DMRT1: variants seen among roughly 807,000 people sequenced by gnomAD.
The protein encoded by DMRT1 is doublesex and mab-3 related transcription factor 1, also known as doublesex- and mab-3-related transcription factor 1.
In DMRT1, 7 loss-of-function variants were observed where a neutral mutation model predicts 32.3. The observed-to-expected ratio is 0.22, with a 90% CI of 0.12 to 0.41. The LOEUF (loss-of-function observed/expected upper bound fraction) is 0.41. Ranked by LOEUF, DMRT1 falls within the 10% of genes least tolerant of loss-of-function variation. The pLI is 1.00. For missense variants in DMRT1, 625 were observed against 500.5 expected (o/e 1.25, Z -2.37); for synonymous variants, 278 against 206.1 (o/e 1.35, Z -2.99).
chr9:899,395 A>T (rs1817488714), intron 3 of DMRT1, among the ~76,000 whole-genome samples: 1 of 152,202 alleles, frequency 6.6e-6, no homozygotes, highest in Non-Finnish European at 1.5e-5. Context: ...ACGAATAATT[A>T]CTGAGCACCT....
chr9:860,320 G>A (rs1043029048), intron 2 of DMRT1, among the ~76,000 whole-genome samples: 2 of 152,056 alleles, frequency 1.3e-5, no homozygotes, highest in Non-Finnish European at 2.9e-5. Context: ...TACATAAAAA[G>A]TAAAATAAAA....
At chr9:863,380 G>C (rs1815815553) in intron 2 of DMRT1, among the ~76,000 whole-genome samples, 1 of 151,406 alleles carries the variant, frequency 6.6e-6, no homozygotes, top group Admixed American at 6.6e-5. Flanking sequence ...GCTGCAACTA[G>C]AGATGCCATG....
intron 2 of DMRT1, among the ~76,000 whole-genome samples, chr9:881,189 G>A (rs1816722686): frequency 1.3e-5 from 2 of 152,166 alleles, no homozygotes; most frequent in African/African-American, 4.8e-5. Context: ...TTCTTGGTAG[G>A]GAGGGGGCTC....
intron 4 of DMRT1, among the ~76,000 whole-genome samples, chr9:925,176 G>T (rs1438969223): frequency 6.6e-6 from 1 of 152,048 alleles, no homozygotes; most frequent in African/African-American, 2.4e-5. Flanking sequence ...CAGGTGCCTG[G>T]CATCGTGCAG....
At chr9:909,565 G>C (rs1817898790) in intron 3 of DMRT1, among the ~76,000 whole-genome samples, 2 of 152,054 alleles carry the variant, frequency 1.3e-5, no homozygotes, top group African/African-American at 2.4e-5. Context: ...TTCACACCCA[G>C]CACCACCAGA....
chr9:939,777 T>C (rs1417863914), intron 4 of DMRT1, among the ~76,000 whole-genome samples: 2 of 152,200 alleles, frequency 1.3e-5, no homozygotes, highest in Non-Finnish European at 2.9e-5. Context: ...TATAGTTTCT[T>C]TCATATAGAT....
At chr9:889,869 C>G (rs985840748) in intron 2 of DMRT1, among the ~76,000 whole-genome samples, 1 of 152,116 alleles carries the variant, frequency 6.6e-6, no homozygotes, top group Non-Finnish European at 1.5e-5. Flanking sequence ...TCTAAAATGC[C>G]TTCCTAAATG....
intron 2 of DMRT1, among the ~76,000 whole-genome samples, chr9:854,027 C>A (rs991929426): frequency 1.3e-5 from 2 of 151,394 alleles, no homozygotes; most frequent in East Asian, 3.9e-4. Flanking sequence ...GTCTTGAACT[C>A]CTGGCTTCCA....
At chr9:849,533 A>G (rs1839048982) in intron 2 of DMRT1, among the ~76,000 whole-genome samples, 1 of 152,206 alleles carries the variant, frequency 6.6e-6, no homozygotes, top group Non-Finnish European at 1.5e-5. Flanking sequence ...TAGGCTATGC[A>G]GAGTTCAGAA....
chr9:851,406 T>G (rs1055447407), intron 2 of DMRT1, among the ~76,000 whole-genome samples: 1 of 148,742 alleles, frequency 6.7e-6, no homozygotes, highest in African/African-American at 2.4e-5. Context: ...GCCCAGCTAA[T>G]TTTTGTACTT....
chr9:917,793 C>G (rs746982851), intron 4 of DMRT1, among the ~76,000 whole-genome samples: 2 of 152,136 alleles, frequency 1.3e-5, no homozygotes, highest in African/African-American at 2.4e-5. Flanking sequence ...TCTAAAATAG[C>G]TGGGCAAGTT....
chr9:902,490 C>CT (rs1817625839), intron 3 of DMRT1, among the ~76,000 whole-genome samples: 1 of 146,088 alleles, frequency 6.8e-6, no homozygotes, highest in Admixed American at 6.7e-5. Context: ...CCTCCCACCA[C>CT]ATTTTTTTTT....
chr9:923,561 T>TG (rs772031416), intron 4 of DMRT1, among the ~76,000 whole-genome samples: 24 of 152,216 alleles, frequency 1.6e-4, no homozygotes, highest in Non-Finnish European at 2.5e-4. Context: ...TATCATGACT[T>TG]TCCCCCATTT....
chr9:901,451 C>T lies in DMRT1; in HGVS notation c.822+7256C>T, dbSNP rs913535746. On this transcript the variant is annotated intron_variant, in intron 3 of 4. Transcript: ENST00000382276. ...AAGCGATTCTCCTGCCTCAGCCTTC[C>T]AAGTAGCTGGGATTACAGGCCCCTG... Among the ~76,000 whole-genome samples the T allele has an allele frequency of 3.9e-5, 6 of 152,032 alleles. No homozygotes were observed. The South Asian group carries it at 8.3e-4, about 21-fold the overall frequency.
chr9:895,798 A>T (rs956458183), intron 3 of DMRT1, among the ~76,000 whole-genome samples: 2 of 149,396 alleles, frequency 1.3e-5, no homozygotes, highest in Non-Finnish European at 3.0e-5. Context: ...CTTATAACTG[A>T]AACTTTTTTT....
chr9:910,644 T>G lies in DMRT1; in HGVS notation c.823-6119T>G, dbSNP rs1314115795. 2.6e-5 allele frequency among the ~76,000 whole-genome samples: 4 copies of G among 152,260 alleles called. No individual in the cohort carries two copies. In the South Asian group the frequency reaches 8.3e-4, roughly 32 times the overall value. ...AAATTATGGCTCGGGTTTACTGTAA[T>G]GCATATTCTTAACAATTTAATAGAA... On this transcript the variant is annotated intron_variant, in intron 3 of 4. Transcript: ENST00000382276.
At chr9:847,297 T>C (rs79706758) in intron 2 of DMRT1, among the ~76,000 whole-genome samples, 154 bp downstream of exon 2, 1,564 of 152,316 alleles carry the variant, frequency 0.01, 21 homozygotes, top group African/African-American at 0.036. Flanking sequence ...TGTTTGTGCC[T>C]GCATCACAAA....
rs139301127 is a variant in DMRT1, at chr9:927,876, G to A, written c.967+10969G>A. Among the ~76,000 whole-genome samples the A allele has an allele frequency of 5.8e-3, 884 of 152,272 alleles. 6 individuals carry two copies. Among genetic ancestry groups the A allele is most frequent in the African/African-American group, 0.019 (784 of 41,560 alleles). ...TGCCATCCTTTCCTATGAAAACTTGGAACACTTTCTCCCGGGAGTATTGTG... is the reference window on the plus strand; with the variant it reads ...TGCCATCCTTTCCTATGAAAACTTGAAACACTTTCTCCCGGGAGTATTGTG... On this transcript the variant is annotated intron_variant, in intron 4 of 4. Coordinates refer to ENST00000382276, the MANE Select transcript of DMRT1 (RefSeq NM_021951.3).
Position 846,375 on chromosome 9 carries a change from A to G in DMRT1, c.355-585A>G, listed in dbSNP as rs139491159. ...CAGTAAGTAATGTAGGATACAATCT[A>G]CTCTTACTGGTACCTGTTTTTAGTA... On this transcript the variant is annotated intron_variant, in intron 1 of 4. Transcript: ENST00000382276. Among the ~76,000 whole-genome samples, 53 of 151,684 alleles carry G rather than the reference A, an allele frequency of 3.5e-4. 1 individual carries two copies. In the East Asian group the frequency reaches 9.7e-3, roughly 28 times the overall value.
Sources: gnomAD v4.1 joint callset for allele counts (sites outside exome capture counted in the v4.1 genomes callset) on GRCh38, gnomAD v4.1.1 for gene constraint, MANE v1.5 for transcripts, NCBI Gene and HGNC (gene_info 2026-07-23, HGNC 2026-07-21) for gene names.